Variants in RBFOX1 observed in about 807,000 individuals in gnomAD.
RBFOX1 encodes RNA binding fox-1 homolog 1.
RBFOX1 carries 8 observed loss-of-function variants against 57.7 expected under a neutral mutation model. The ratio of observed to expected loss-of-function variants is 0.14; its 90% CI spans 0.08 to 0.25. The LOEUF (loss-of-function observed/expected upper bound fraction) is 0.25, where lower values mean the gene tolerates loss of function less well. Among genes scored for constraint, RBFOX1 ranks in the 10% least tolerant of loss-of-function variants. The pLI is 1.00. For synonymous variants in RBFOX1, 326 were observed against 222.4 expected, an observed-to-expected ratio of 1.47 and a Z score of -4.15; for missense variants, 611 against 548.5, an observed-to-expected ratio of 1.11 and a Z score of -1.14.
At chr16:7,106,827 G>A (rs1157396789) in intron 4 of RBFOX1, among the ~76,000 whole-genome samples, 4 of 151,946 alleles carry the variant, frequency 2.6e-5, no homozygotes, top group Non-Finnish European at 5.9e-5. Context: ...GCATTAAACA[G>A]ATACACAAGC....
chr16:7,302,677 T>C (rs1270632469), intron 4 of RBFOX1, among the ~76,000 whole-genome samples: 1 of 149,160 alleles, frequency 6.7e-6, no homozygotes, highest in Non-Finnish European at 1.5e-5. Flanking sequence ...TCAAAATCTA[T>C]ATTAAAAAAA....
At chr16:7,408,975 T>C (rs1361283590) in intron 4 of RBFOX1, among the ~76,000 whole-genome samples, 1 of 152,196 alleles carries the variant, frequency 6.6e-6, no homozygotes, top group African/African-American at 2.4e-5. Flanking sequence ...TCTTCTTTTC[T>C]TTTTGCATCC....
At chr16:7,144,470 G>C (rs1458396238) in intron 4 of RBFOX1, among the ~76,000 whole-genome samples, 1 of 125,010 alleles carries the variant, frequency 8.0e-6, no homozygotes, top group Non-Finnish European at 1.6e-5. Context: ...TCTGGCTGGA[G>C]TGCAGTGGTG....
intron 2 of RBFOX1, among the ~76,000 whole-genome samples, chr16:6,493,590 A>T (rs1009793847): frequency 2.0e-5 from 3 of 152,202 alleles, no homozygotes; most frequent in Non-Finnish European, 4.4e-5. Flanking sequence ...TCCCACTGTG[A>T]AAGATGTTTA....
intron 2 of RBFOX1, among the ~76,000 whole-genome samples, chr16:6,389,853 A>G (rs572387114): frequency 1.3e-5 from 2 of 152,166 alleles, no homozygotes; most frequent in East Asian, 3.9e-4. Context: ...TCTTCCCAGT[A>G]TTTGGGATAA....
At chr16:6,211,392 C>A (rs1405670095) in intron 1 of RBFOX1, among the ~76,000 whole-genome samples, 1 of 151,962 alleles carries the variant, frequency 6.6e-6, no homozygotes, top group Non-Finnish European at 1.5e-5. Flanking sequence ...CCACACCCGG[C>A]TAATTTTTTG....
At chr16:7,371,018 T>C (rs1291855253) in intron 4 of RBFOX1, among the ~76,000 whole-genome samples, 1 of 152,128 alleles carries the variant, frequency 6.6e-6, no homozygotes, top group African/African-American at 2.4e-5. Context: ...TTGGGATGGA[T>C]GTGTCTGTAT....
chr16:7,604,589 A>T (rs1336437718), intron 9 of RBFOX1, among the ~76,000 whole-genome samples: 1 of 152,186 alleles, frequency 6.6e-6, no homozygotes, highest in Non-Finnish European at 1.5e-5. Flanking sequence ...AGCAGATTAT[A>T]GGGGGATAGA....
chr16:6,831,111 A>G (rs566927019), intron 3 of RBFOX1, among the ~76,000 whole-genome samples: 1 of 152,222 alleles, frequency 6.6e-6, no homozygotes, highest in Non-Finnish European at 1.5e-5. Flanking sequence ...ATACTACTCC[A>G]TTATCACTAA....
intron 4 of RBFOX1, among the ~76,000 whole-genome samples, chr16:7,202,367 G>A (rs1192915220): frequency 4.6e-5 from 7 of 150,976 alleles, no homozygotes; most frequent in Admixed American, 6.6e-5. Context: ...GACCCATTAC[G>A]CCCTGTGGGT....
chr16:6,303,653 T>A (rs1042952278), intron 1 of RBFOX1, among the ~76,000 whole-genome samples: 8 of 152,048 alleles, frequency 5.3e-5, no homozygotes, highest in African/African-American at 1.2e-4. Flanking sequence ...GGAAAGCTAC[T>A]TTTCATTGAG....
intron 3 of RBFOX1, among the ~76,000 whole-genome samples, chr16:5,828,533 A>T (rs2056155204): frequency 6.6e-6 from 1 of 152,052 alleles, no homozygotes; most frequent in Non-Finnish European, 1.5e-5. Flanking sequence ...CCCCATCTCT[A>T]CTAAAAATAC....
At chr16:6,278,941 G>A (rs978930956) in intron 1 of RBFOX1, among the ~76,000 whole-genome samples, 8 of 151,790 alleles carry the variant, frequency 5.3e-5, no homozygotes, top group East Asian at 1.9e-4. Context: ...TGTCTAACCC[G>A]TTATGTGAGT....
intron 4 of RBFOX1, among the ~76,000 whole-genome samples, chr16:7,068,544 T>C (rs2056647839): frequency 6.6e-6 from 1 of 152,204 alleles, no homozygotes; most frequent in Non-Finnish European, 1.5e-5. Context: ...ATTGTTAGAA[T>C]GTCTACCATA....
At chr16:7,312,448 T>C (rs1043094881) in intron 4 of RBFOX1, among the ~76,000 whole-genome samples, 1 of 152,232 alleles carries the variant, frequency 6.6e-6, no homozygotes, top group African/African-American at 2.4e-5. Context: ...ATTTGTTTAT[T>C]GAAGCTGGAC....
At chr16:6,087,214 A>G (rs927463660) in intron 1 of RBFOX1, among the ~76,000 whole-genome samples, 1 of 152,206 alleles carries the variant, frequency 6.6e-6, no homozygotes, top group South Asian at 2.1e-4. Context: ...AAAGTGGCAC[A>G]TTTTTAGGGG....
intron 3 of RBFOX1, among the ~76,000 whole-genome samples, chr16:5,662,021 C>A (rs547182447): frequency 6.6e-6 from 1 of 152,164 alleles, no homozygotes; most frequent in Admixed American, 6.5e-5. Flanking sequence ...CTCCTGACGT[C>A]GTAATCCACT....
At chr16:5,351,987 G>A (rs144310606) in intron 1 of RBFOX1, among the ~76,000 whole-genome samples, 1 of 152,056 alleles carries the variant, frequency 6.6e-6, no homozygotes, top group African/African-American at 2.4e-5. Flanking sequence ...TGTATTTTTA[G>A]TGGAGACAGG....
chr16:5,968,039 C>G (rs1255424647), intron 4 of RBFOX1, among the ~76,000 whole-genome samples: 2 of 152,152 alleles, frequency 1.3e-5, no homozygotes, highest in African/African-American at 4.8e-5. Flanking sequence ...TTACATCTGT[C>G]TGACCATTTT....
Sources: allele counts gnomAD v4.1 joint callset (sites outside exome capture counted in the v4.1 genomes callset), GRCh38; gene constraint gnomAD v4.1.1; transcripts MANE v1.5; gene names NCBI Gene and HGNC (gene_info 2026-07-23, HGNC 2026-07-21).